The following GPR158 variants were observed in gnomAD, a reference collection of about 807,000 sequenced individuals.
GPR158 encodes the protein G protein-coupled receptor 158.
A neutral mutation model predicts 78.2 loss-of-function variants in GPR158; 30 were observed. The ratio of observed to expected loss-of-function variants is 0.38; its 90% CI spans 0.29 to 0.52. The LOEUF (loss-of-function observed/expected upper bound fraction) is 0.52, where lower values mean the gene tolerates loss of function less well. GPR158 is among the 20% of genes least tolerant of loss of function. The pLI is 0.83. For missense variants in GPR158, 1,463 were observed against 1,523.5 expected (o/e 0.96, Z 0.66); for synonymous variants, 581 against 591.1 (o/e 0.98, Z 0.25).
At chr10:25,220,318 A>C (rs1401731480) in intron 1 of GPR158, among the ~76,000 whole-genome samples, 1 of 152,150 alleles carries the variant, frequency 6.6e-6, no homozygotes, top group Non-Finnish European at 1.5e-5. Context: ...GAAAACAGAG[A>C]GAGAAAGTTG....
rs528947596 is a variant in GPR158, at chr10:25,366,574, A to G, written c.1009-29337A>G. 2.0e-5 allele frequency among the ~76,000 whole-genome samples: 3 copies of G among 151,870 alleles called. No homozygotes were observed. In the South Asian group the frequency reaches 6.2e-4, roughly 31 times the overall value. On this transcript the variant is annotated intron_variant, in intron 2 of 10. Transcript: ENST00000376351. The stretch of plus-strand genomic sequence containing the variant: ...TATATATCATTTTTGTGATGAGAAC[A>G]TATAAAATCTACTCTCAGCAATTTT...
intron 2 of GPR158, among the ~76,000 whole-genome samples, chr10:25,282,735 T>C (rs1854294368): frequency 2.0e-5 from 3 of 152,200 alleles, no homozygotes; most frequent in Admixed American, 2.0e-4. Flanking sequence ...TTGAGCATAT[T>C]TTCTTGTGCT....
At chr10:25,268,215 A>G (rs74126505) in intron 2 of GPR158, among the ~76,000 whole-genome samples, 63 of 152,264 alleles carry the variant, frequency 4.1e-4, no homozygotes, top group African/African-American at 1.3e-3. Context: ...TCGTTATCCT[A>G]TTGATAGGAT....
chr10:25,553,273 CAT>C (rs1280277840), intron 6 of GPR158, among the ~76,000 whole-genome samples: 1 of 152,140 alleles, frequency 6.6e-6, no homozygotes, highest in Non-Finnish European at 1.5e-5. Context: ...TGTGTTATAA[CAT>C]TATCTCTTTT....
At position 25,253,085 on chromosome 10, in the gene GPR158, G is replaced by A. The variant is rs370957317; in HGVS notation, c.1008+31928G>A. Reference sequence around the variant, plus strand: ...GGGAGTGACCCGATTTTCCAGGTGCGTCCGTCACCCCTTTCTTTGACTCGG... The same window carrying A: ...GGGAGTGACCCGATTTTCCAGGTGCATCCGTCACCCCTTTCTTTGACTCGG... On this transcript the variant is annotated intron_variant, in intron 2 of 10. Transcript: ENST00000376351. Among the ~76,000 whole-genome samples the A allele has an allele frequency of 1.8e-3, 278 of 152,170 alleles. 10 individuals carry two copies. In the East Asian group the frequency reaches 0.048, roughly 26 times the overall value.
At chr10:25,444,185 G>A (rs895394289) in intron 4 of GPR158, among the ~76,000 whole-genome samples, 7 of 151,836 alleles carry the variant, frequency 4.6e-5, no homozygotes, top group South Asian at 2.1e-4. Context: ...AGTCTGTGAC[G>A]TGTGTTTTTC....
Position 25,175,765 on chromosome 10 carries a change from G to A in GPR158, c.345G>A (p.Leu115=), listed in dbSNP as rs545725777. The change falls in exon 1 of 11, where the codon CTG becomes CTA. Residue 115 remains leucine (L), a synonymous_variant. Transcript: ENST00000376351. This position sits in a 1 kb window ranked among gnomAD's most constrained non-coding sequence, Gnocchi z 6.4. Reference sequence around the variant, plus strand: ...GCCTGCCGGGGAAGTGGCCAGCCCTGGCCAGCGCGCACCCCTCCTTGCACC... The same window carrying A: ...GCCTGCCGGGGAAGTGGCCAGCCCTAGCCAGCGCGCACCCCTCCTTGCACC... The part of the protein sequence containing the change: ...LAGLPGKWPA[L]ASAHPSLHRA... 19 of 1,611,334 alleles carry A rather than the reference G, an allele frequency of 1.2e-5. No individual in the cohort carries two copies. The highest frequency in any genetic ancestry group is 2.2e-5 in the South Asian group (2 of 91,078).
chr10:25,493,364 A>G (rs1385452173), intron 5 of GPR158, among the ~76,000 whole-genome samples: 1 of 152,138 alleles, frequency 6.6e-6, no homozygotes, highest in Admixed American at 6.6e-5. Context: ...TCTCTGCACC[A>G]CTCAGATAAG....
chr10:25,347,076 C>T (rs1037678607), intron 2 of GPR158, among the ~76,000 whole-genome samples: 2 of 151,858 alleles, frequency 1.3e-5, no homozygotes, highest in Non-Finnish European at 2.9e-5. Flanking sequence ...AGCATAGTGC[C>T]TGTATTTGTT....
rs1189568483 is a variant in GPR158, at chr10:25,596,667, C to T, written c.2023C>T (p.Arg675Ter). The T allele has an allele frequency of 2.5e-6, 4 of 1,613,026 alleles. No homozygotes were observed. The highest frequency in any genetic ancestry group is 2.5e-6 in the Non-Finnish European group (3 of 1,179,374). Reference protein sequence around the residue: ...PKFSHSSNNPRDDIATEAYED... With the variant: ...PKFSHSSNNP ...GTTTTCACATTCAAGCAATAACCCA[C>T]GAGATGATATTGCTACAGAAGCATA... Residue 675 changes from arginine to a stop codon, truncating the protein, a stop_gained, in exon 10 of 11, where the codon CGA (arginine) becomes TGA (stop). Transcript: ENST00000376351. LOFTEE classifies it high-confidence loss of function.
At chr10:25,383,057 G>A (rs1191159548) in intron 2 of GPR158, among the ~76,000 whole-genome samples, 1 of 151,986 alleles carries the variant, frequency 6.6e-6, no homozygotes. Context: ...GGCTGGTCTG[G>A]AACACCTGAC....
intron 5 of GPR158, among the ~76,000 whole-genome samples, chr10:25,517,528 T>G (rs1038945058): frequency 6.6e-5 from 10 of 152,212 alleles, no homozygotes; most frequent in Admixed American, 2.6e-4. Flanking sequence ...CAGCTCTTAT[T>G]ATTTTGAAAT....
At chr10:25,366,839 C>T (rs982778165) in intron 2 of GPR158, among the ~76,000 whole-genome samples, 4 of 81,162 alleles carry the variant, frequency 4.9e-5, no homozygotes, top group Non-Finnish European at 1.0e-4. Flanking sequence ...GAGGTTGAAA[C>T]CTTTCTATAT....
intron 2 of GPR158, among the ~76,000 whole-genome samples, chr10:25,243,261 T>G (rs1320123135): frequency 6.6e-6 from 1 of 152,192 alleles, no homozygotes; most frequent in African/African-American, 2.4e-5. Flanking sequence ...AATTTACCTG[T>G]TTTTCAAAGC....
chr10:25,541,972 T>TATA (rs1564484701), intron 5 of GPR158, among the ~76,000 whole-genome samples: 4 of 147,628 alleles, frequency 2.7e-5, no homozygotes, highest in African/African-American at 9.8e-5. Flanking sequence ...TTATATATTA[T>TATA]AATTATAAAT....
chr10:25,228,312 A>G (rs1224859222), intron 2 of GPR158, among the ~76,000 whole-genome samples: 2 of 151,580 alleles, frequency 1.3e-5, no homozygotes, highest in African/African-American at 4.8e-5. Flanking sequence ...GAAAATTCTA[A>G]AATATATAAA....
At chr10:25,446,351 C>G (rs1335776995) in intron 4 of GPR158, among the ~76,000 whole-genome samples, 1 of 152,140 alleles carries the variant, frequency 6.6e-6, no homozygotes, top group Non-Finnish European at 1.5e-5. Flanking sequence ...TCTTTGAGAA[C>G]AGCCTTCATG....
chr10:25,280,076 T>A (rs1254576877), intron 2 of GPR158, among the ~76,000 whole-genome samples: 2 of 149,584 alleles, frequency 1.3e-5, no homozygotes, highest in African/African-American at 2.5e-5. Flanking sequence ...CATAGAAAAA[T>A]CAGGTCAAAT....
chr10:25,464,746 T>A (rs1470627156), intron 4 of GPR158, among the ~76,000 whole-genome samples: 2 of 152,240 alleles, frequency 1.3e-5, no homozygotes, highest in Non-Finnish European at 2.9e-5. Flanking sequence ...CAAATTATTT[T>A]ACAGACAGTC....
Sources: allele counts gnomAD v4.1 joint callset (sites outside exome capture counted in the v4.1 genomes callset), GRCh38; gene constraint gnomAD v4.1.1; non-coding constraint Gnocchi (gnomAD v3.1); transcripts MANE v1.5; gene names NCBI Gene and HGNC (gene_info 2026-07-23, HGNC 2026-07-21).